ZKSCAN3: variants seen among roughly 807,000 people sequenced by gnomAD.
ZKSCAN3 encodes the protein zinc finger protein with KRAB and SCAN domains 3.
ZKSCAN3 carries 21 observed loss-of-function variants against 30.7 expected under a neutral mutation model. That is an observed-to-expected ratio of 0.68 (90% CI 0.49 to 0.99). ZKSCAN3 has a LOEUF of 0.99. ZKSCAN3 is among the 50% of genes least tolerant of loss of function. The pLI, the probability that ZKSCAN3 is intolerant of heterozygous loss-of-function variation, is 0.00. For synonymous variants in ZKSCAN3, 201 were observed against 246.7 expected (o/e 0.81, Z 1.73); for missense variants, 507 against 647.1 (o/e 0.78, Z 2.35).
In ZKSCAN3 at chr6:28,363,729, C is replaced by T. The variant is rs757683465; in HGVS notation, c.671C>T (p.Thr224Ile). Residue 224 changes from threonine to isoleucine, a missense_variant, in exon 5 of 6, where the codon ACC (threonine) becomes ATC (isoleucine). Thr to Ile is a moderately conservative substitution (Grantham distance 89, BLOSUM62 -1). Transcript: ENST00000252211. Reference sequence around the variant, plus strand: ...GTGGAAGATGTGGCCCTGACCCTCACCCCTGAATGGACACAGCAGGATTCA... The same window carrying T: ...GTGGAAGATGTGGCCCTGACCCTCATCCCTGAATGGACACAGCAGGATTCA... ...LKVEDVALTLTPEWTQQDSSQ... is the reference protein window; with the variant it reads ...LKVEDVALTLIPEWTQQDSSQ... 1.2e-6 allele frequency: 2 copies of T among 1,613,902 alleles called. No homozygotes were observed. Among genetic ancestry groups the T allele is most frequent in the African/African-American group, 1.3e-5 (1 of 74,880 alleles).
intron 5 of ZKSCAN3, among the ~76,000 whole-genome samples, chr6:28,364,157 G>A (rs551400677): frequency 6.6e-6 from 1 of 152,038 alleles, no homozygotes; most frequent in African/African-American, 2.4e-5. Flanking sequence ...TTAATTTTTT[G>A]TCGAGATAGA....
In ZKSCAN3 at chr6:28,365,885, C is replaced by T; in HGVS notation, c.1217C>T (p.Thr406Ile). The stretch of plus-strand genomic sequence containing the variant: ...TATGAGTGTGATGACTGTGGGAAGA[C>T]CTTCAGCCAGAGCTGCAGCCTCCTT... ...KPYECDDCGK[T>I]FSQSCSLLEH... Residue 406 changes from threonine (T) to isoleucine (I), a missense_variant, in exon 6 of 6, where the codon ACC (threonine) becomes ATC (isoleucine). Physicochemically the swap from Thr to Ile is moderately conservative, Grantham distance 89. Transcript: ENST00000252211. 6.2e-7 allele frequency: 1 copy of T among 1,613,316 alleles called. No individual in the cohort carries two copies. The highest frequency in any genetic ancestry group is 8.5e-7 in the Non-Finnish European group (1 of 1,179,584).
rs946576390 is a variant in ZKSCAN3 at position 28,366,648 on chromosome 6, T to C, written c.*363T>C. The C allele has an allele frequency of 1.7e-5, 3 of 173,722 alleles. No homozygotes were observed. Among genetic ancestry groups the C allele is most frequent in the Non-Finnish European group, 2.4e-5 (2 of 82,542 alleles). The allele number at this position is 173,722 out of a possible 1,614,324, so 10.8% of individuals were successfully genotyped here. A position where few individuals can be genotyped will look rare whatever the true frequency, so the allele number is the denominator to read the frequency against. Reference sequence around the variant, plus strand: ...GGGGGCTGCTTCTCTGACCATTCTTTTTGACTGTAATGAATCCTCCACAGT... The same window carrying C: ...GGGGGCTGCTTCTCTGACCATTCTTCTTGACTGTAATGAATCCTCCACAGT... On this transcript the variant is annotated 3_prime_UTR_variant, in exon 6 of 6. Coordinates refer to ENST00000252211, the MANE Select transcript of ZKSCAN3 (RefSeq NM_024493.4).
chr6:28,365,919 C>T lies in ZKSCAN3; in HGVS notation c.1251C>T (p.His417=), dbSNP rs371519830. 1.9e-5 allele frequency: 31 copies of T among 1,613,248 alleles called. No homozygotes were observed. Among genetic ancestry groups the T allele is most frequent in the Non-Finnish European group, 2.6e-5 (31 of 1,179,602 alleles). ...AGAGCTGCAGCCTCCTTGAACATCA[C>T]AGAATCCACACTGGGGAGAAGCCGT... The part of the protein sequence containing the change: ...FSQSCSLLEH[H]RIHTGEKPYQ... The change falls in exon 6 of 6, where the codon CAC becomes CAT. Residue 417 remains histidine (H), a synonymous_variant. Coordinates refer to ENST00000252211, the MANE Select transcript of ZKSCAN3 (RefSeq NM_024493.4).
intron 2 of ZKSCAN3, among the ~76,000 whole-genome samples, chr6:28,361,073 A>T (rs1338882884): frequency 6.6e-6 from 1 of 152,186 alleles, no homozygotes; most frequent in Non-Finnish European, 1.5e-5. Context: ...AATGATAAGA[A>T]CGTGTGCTCT....
rs749923029 is a variant in ZKSCAN3, at chr6:28,361,416, A to C, written c.495A>C (p.Leu165=). The part of the protein sequence containing the change: ...APGSQSSQFQ[L]MKALLKHESV... Reference sequence around the variant, plus strand: ...GGTCACAAAGTAGCCAATTTCAGCTAATGAAGGCTCTGCTCAAGCATGAAT... The same window carrying C: ...GGTCACAAAGTAGCCAATTTCAGCTCATGAAGGCTCTGCTCAAGCATGAAT... Residue 165 remains leucine, a synonymous_variant, in exon 3 of 6, where the codon CTA becomes CTC. Coordinates refer to ENST00000252211, the MANE Select transcript of ZKSCAN3 (RefSeq NM_024493.4). 2.5e-6 allele frequency: 4 copies of C among 1,614,068 alleles called. No homozygotes were observed. The highest frequency in any genetic ancestry group is 3.4e-6 in the Non-Finnish European group (4 of 1,179,990).
intron 3 of ZKSCAN3, among the ~76,000 whole-genome samples, chr6:28,362,311 TA>T (rs1233460690): frequency 6.6e-6 from 1 of 152,196 alleles, no homozygotes; most frequent in Non-Finnish European, 1.5e-5. Flanking sequence ...ACAGAATCTG[TA>T]AAGCCAGCCA....
intron 5 of ZKSCAN3, 25 bp from the exon 6 acceptor site, chr6:28,365,401 A>G: frequency 6.3e-7 from 1 of 1,584,608 alleles, no homozygotes. Flanking sequence ...CATAAGCCAC[A>G]GTTGCCAGTT....
intron 2 of ZKSCAN3, among the ~76,000 whole-genome samples, chr6:28,361,075 G>A (rs374383312): frequency 2.0e-5 from 3 of 152,108 alleles, no homozygotes; most frequent in Non-Finnish European, 2.9e-5. Flanking sequence ...TGATAAGAAC[G>A]TGTGCTCTGG....
At chr6:28,354,539 C>G (rs1765293966) in intron 1 of ZKSCAN3, among the ~76,000 whole-genome samples, 1 of 152,152 alleles carries the variant, frequency 6.6e-6, no homozygotes, top group Non-Finnish European at 1.5e-5. Context: ...CACATAGGCT[C>G]TGGGCACACA....
At position 28,359,634 on chromosome 6, in the gene ZKSCAN3, A is replaced by G; in HGVS notation, c.48A>G (p.Thr16=). 2 of 1,614,292 alleles carry G rather than the reference A, an allele frequency of 1.2e-6. No individual in the cohort carries two copies. The highest frequency in any genetic ancestry group is 1.7e-6 in the Non-Finnish European group (2 of 1,180,052). The change falls in exon 2 of 6, where the codon ACA becomes ACG. Residue 16 remains threonine (T), a synonymous_variant. Transcript: ENST00000252211. ...GCACAGCCCTGGATGCCCAGTCTAC[A>G]GAAGACCAGATGGAGCTTCTGGTCA... ...SESTALDAQS[T]EDQMELLVIK...
At position 28,363,373 on chromosome 6, in the gene ZKSCAN3, T is replaced by C. The variant is rs1375010477; in HGVS notation, c.621T>C (p.Thr207=). 3 of 1,613,966 alleles carry C rather than the reference T, an allele frequency of 1.9e-6. No homozygotes were observed. The highest frequency in any genetic ancestry group is 4.5e-5 in the East Asian group (2 of 44,878). Residue 207 remains threonine (T), a synonymous_variant, in exon 4 of 6, where the codon ACT becomes ACC. Coordinates refer to ENST00000252211, the MANE Select transcript of ZKSCAN3 (RefSeq NM_024493.4). ...ATAAAGTGGTAGCTTCTAGGCTTAC[T>C]CCAGAGTCCCAGGTGAGCTGGAGCC... The part of the protein sequence containing the change: ...REDKVVASRL[T]PESQGLLKVE...
chr6:28,360,821 A>G, intron 2 of ZKSCAN3: 1 of 926,796 alleles, frequency 1.1e-6, no homozygotes, highest in Non-Finnish European at 1.3e-6. Context: ...AAGTAACTTG[A>G]AAACTGTAAT....
intron 5 of ZKSCAN3, 49 bp from the exon 6 acceptor site, chr6:28,365,377 C>A: frequency 6.4e-7 from 1 of 1,564,924 alleles, no homozygotes; most frequent in Non-Finnish European, 8.6e-7. Context: ...CATCACAGAG[C>A]TTTCCTTCCA....
Position 28,366,011 on chromosome 6 carries a change from A to G in ZKSCAN3, c.1343A>G (p.His448Arg), listed in dbSNP as rs751072693. 1.2e-6 allele frequency: 2 copies of G among 1,613,858 alleles called. No homozygotes were observed. Among genetic ancestry groups the G allele is most frequent in the Non-Finnish European group, 1.7e-6 (2 of 1,179,866 alleles). ...SSHLLRHQRIHTGDKNVQEPE... is the reference protein window; with the variant it reads ...SSHLLRHQRIRTGDKNVQEPE... Reference sequence around the variant, plus strand: ...CATCTCCTGAGACATCAGAGGATCCATACTGGGGATAAAAATGTTCAGGAA... The same window carrying G: ...CATCTCCTGAGACATCAGAGGATCCGTACTGGGGATAAAAATGTTCAGGAA... Residue 448 changes from histidine (H) to arginine (R), a missense_variant, in exon 6 of 6, where the codon CAT becomes CGT. Transcript: ENST00000252211.
chr6:28,359,418 T>G, intron 1 of ZKSCAN3, 107 bp from the exon 2 acceptor site: 1 of 790,518 alleles, frequency 1.3e-6, no homozygotes, highest in Non-Finnish European at 2.0e-6. Context: ...CCACTGAACA[T>G]GGAGAAATTT....
At position 28,366,056 on chromosome 6, in the gene ZKSCAN3, G is replaced by A; in HGVS notation, c.1388G>A (p.Trp463Ter). ...NVQEPEQGEAWKSRMESQLEN... is the reference protein window; with the variant it reads ...NVQEPEQGEA Reference sequence around the variant, plus strand: ...CAGGAACCTGAGCAGGGAGAGGCCTGGAAAAGTAGGATGGAAAGCCAGTTG... The same window carrying A: ...CAGGAACCTGAGCAGGGAGAGGCCTAGAAAAGTAGGATGGAAAGCCAGTTG... The change falls in exon 6 of 6, where the codon TGG becomes TAG. Residue 463 changes from tryptophan (W) to a stop codon, truncating the protein, a stop_gained. Coordinates refer to ENST00000252211, the MANE Select transcript of ZKSCAN3 (RefSeq NM_024493.4). LOFTEE classifies it low-confidence loss of function (END_TRUNC). The A allele has an allele frequency of 1.9e-6, 3 of 1,609,020 alleles. No individual in the cohort carries two copies. Among genetic ancestry groups the A allele is most frequent in the Non-Finnish European group, 2.5e-6 (3 of 1,178,076 alleles).
At chr6:28,353,054 C>T (rs1321858403) in intron 1 of ZKSCAN3, among the ~76,000 whole-genome samples, 6 of 151,478 alleles carry the variant, frequency 4.0e-5, no homozygotes, top group Non-Finnish European at 7.4e-5. Flanking sequence ...TTGCAACCTC[C>T]GCCTTCCGGG....
chr6:28,359,062 T>C (rs1475758657), intron 1 of ZKSCAN3, among the ~76,000 whole-genome samples: 1 of 152,140 alleles, frequency 6.6e-6, no homozygotes, highest in Non-Finnish European at 1.5e-5. Context: ...GGAATCTACT[T>C]ATGAGGTCAT....
Sources: allele counts gnomAD v4.1 joint callset (sites outside exome capture counted in the v4.1 genomes callset), GRCh38; gene constraint gnomAD v4.1.1; transcripts MANE v1.5; gene names NCBI Gene and HGNC (gene_info 2026-07-23, HGNC 2026-07-21).